ANGPT1: variants seen among roughly 807,000 people sequenced by gnomAD.
The protein encoded by ANGPT1 is angiopoietin 1.
A neutral mutation model predicts 62.2 loss-of-function variants in ANGPT1; 17 were observed. That is an observed-to-expected ratio of 0.27 (90% CI 0.19 to 0.41). The LOEUF is 0.41. Among genes scored for constraint, ANGPT1 ranks in the 10% least tolerant of loss-of-function variants. The pLI is 1.00. For synonymous variants in ANGPT1, 199 were observed against 198.9 expected, an observed-to-expected ratio of 1.00 and a Z score of 0.00; for missense variants, 478 against 594.9, an observed-to-expected ratio of 0.80 and a Z score of 2.04.
intron 4 of ANGPT1, among the ~76,000 whole-genome samples, chr8:107,310,023 T>C (rs971512811): frequency 2.0e-5 from 3 of 152,188 alleles, no homozygotes; most frequent in Admixed American, 6.6e-5. Context: ...TAGTGAATTA[T>C]TATTTTAATT....
intron 4 of ANGPT1, among the ~76,000 whole-genome samples, chr8:107,317,319 C>A (rs1815037088): frequency 1.3e-5 from 2 of 152,022 alleles, no homozygotes; most frequent in South Asian, 2.1e-4. Context: ...GAATAAATAT[C>A]ATTTCCCCAG....
chr8:107,423,759 A>T (rs1810957908), intron 1 of ANGPT1, among the ~76,000 whole-genome samples: 1 of 146,722 alleles, frequency 6.8e-6, no homozygotes, highest in East Asian at 2.0e-4. Context: ...ACTGTACCTT[A>T]GTTCTAATCT....
chr8:107,418,470 C>T (rs74871641), intron 1 of ANGPT1, among the ~76,000 whole-genome samples: 52 of 152,206 alleles, frequency 3.4e-4, no homozygotes, highest in African/African-American at 1.0e-3. Context: ...AATTTTGTAT[C>T]GGCTGGGAAT....
chr8:107,353,937 T>G (rs1301944241), intron 1 of ANGPT1, among the ~76,000 whole-genome samples: 1 of 152,110 alleles, frequency 6.6e-6, no homozygotes, highest in Non-Finnish European at 1.5e-5. Context: ...GGATGTTTGT[T>G]ACTCAGCCTC....
chr8:107,353,314 A>G (rs539436943), intron 1 of ANGPT1, among the ~76,000 whole-genome samples: 2 of 152,286 alleles, frequency 1.3e-5, no homozygotes, highest in South Asian at 4.1e-4. Flanking sequence ...CAGCTAATCA[A>G]TGTCAGATGT....
intron 2 of ANGPT1, among the ~76,000 whole-genome samples, chr8:107,342,983 G>C (rs76914295): frequency 6.9e-6 from 1 of 145,720 alleles, no homozygotes; most frequent in African/African-American, 2.6e-5. Context: ...CTACAGGCAC[G>C]CATTACCATG....
intron 1 of ANGPT1, among the ~76,000 whole-genome samples, chr8:107,370,112 G>A (rs1816352772): frequency 6.7e-6 from 1 of 149,216 alleles, no homozygotes; most frequent in Non-Finnish European, 1.5e-5. Flanking sequence ...GTTCCAGCCT[G>A]GGCAACAGAG....
At chr8:107,482,755 G>T (rs1167136477) in intron 1 of ANGPT1, among the ~76,000 whole-genome samples, 2 of 152,096 alleles carry the variant, frequency 1.3e-5, no homozygotes, top group African/African-American at 4.8e-5. Context: ...CTCAAATATG[G>T]TGAGGTGGGT....
In ANGPT1 at chr8:107,321,525, G is replaced by A. The variant is rs367652439; in HGVS notation, c.808+371C>T. Among the ~76,000 whole-genome samples the A allele has an allele frequency of 6.0e-4, 92 of 152,146 alleles. No homozygotes were observed. In the East Asian group the frequency reaches 6.8e-3, roughly 11 times the overall value. ...TGGAAATCCTCCTGAAACTCTCCCA[G>A]CACTATGAACTAATTTTTAACATTG... On this transcript the variant is annotated intron_variant, in intron 4 of 8. Transcript: ENST00000517746.
At chr8:107,484,415 G>C (rs1408028333) in intron 1 of ANGPT1, among the ~76,000 whole-genome samples, 2 of 151,454 alleles carry the variant, frequency 1.3e-5, no homozygotes, top group African/African-American at 4.9e-5. Flanking sequence ...TTTTCTTTTT[G>C]TTTTTGGAGA....
intron 1 of ANGPT1, among the ~76,000 whole-genome samples, chr8:107,432,239 C>G (rs763304015): frequency 2.9e-4 from 44 of 151,792 alleles, no homozygotes; most frequent in Non-Finnish European, 5.0e-4. Context: ...TTCCTTATCC[C>G]AAATAAATTA....
At chr8:107,453,662 T>C (rs1047611229) in intron 1 of ANGPT1, among the ~76,000 whole-genome samples, 5 of 152,070 alleles carry the variant, frequency 3.3e-5, no homozygotes, top group African/African-American at 1.2e-4. Flanking sequence ...AAGTTTTATT[T>C]TCTTTTTAAT....
At chr8:107,459,905 A>G (rs887186063) in intron 1 of ANGPT1, among the ~76,000 whole-genome samples, 1 of 152,208 alleles carries the variant, frequency 6.6e-6, no homozygotes, top group Non-Finnish European at 1.5e-5. Context: ...CTTTAGAAAG[A>G]AATGAAAAGA....
At chr8:107,274,631 T>C (rs940267561) in intron 7 of ANGPT1, among the ~76,000 whole-genome samples, 1 of 152,146 alleles carries the variant, frequency 6.6e-6, no homozygotes, top group African/African-American at 2.4e-5. Context: ...TGATACTTTA[T>C]TAGAAATCTT....
intron 1 of ANGPT1, among the ~76,000 whole-genome samples, chr8:107,380,098 G>A (rs1466882218): frequency 6.6e-6 from 1 of 150,604 alleles, no homozygotes; most frequent in Non-Finnish European, 1.5e-5. Context: ...AGCCTGGTCT[G>A]GAAATGTGGT....
rs1813225223 is a variant in ANGPT1 at position 107,250,464 on chromosome 8, C to CATA, written c.*1390_*1391insTAT. 1 of 151,930 alleles carries CATA rather than the reference C, an allele frequency of 6.6e-6. No homozygotes were observed. The highest frequency in any genetic ancestry group is 2.4e-5 in the African/African-American group (1 of 41,366). 9.4% of individuals were successfully genotyped at this position (151,930 alleles called of 1,614,324 possible). On this transcript the variant is annotated 3_prime_UTR_variant, in exon 9 of 9. Coordinates refer to ENST00000517746, the MANE Select transcript of ANGPT1 (RefSeq NM_001146.5). ...ATTTCCCTTACATATAATAGTTTTG[C>CATA]CAATTTTTCTCCCCTGATAATAATT... is the stretch of plus-strand genomic sequence containing the variant.
chr8:107,461,178 T>C (rs561689134), intron 1 of ANGPT1, among the ~76,000 whole-genome samples: 2 of 152,316 alleles, frequency 1.3e-5, no homozygotes, highest in South Asian at 4.1e-4. Context: ...GGCTAGATCA[T>C]TTCAGGCTTG....
At chr8:107,294,183 T>C (rs1814354333) in intron 5 of ANGPT1, 146 bp from the exon 6 acceptor site, 1 of 490,342 alleles carries the variant, frequency 2.0e-6, no homozygotes, top group South Asian at 4.0e-5. Flanking sequence ...AATTTAGATA[T>C]ATTATTGGTT....
chr8:107,324,215 A>ATATGTG (rs1446823991), intron 3 of ANGPT1, among the ~76,000 whole-genome samples: 10 of 144,772 alleles, frequency 6.9e-5, no homozygotes, highest in Admixed American at 1.4e-4. Flanking sequence ...GTATATATAT[A>ATATGTG]TGTGTGTGTG....
Sources: gnomAD v4.1 joint callset for allele counts (sites outside exome capture counted in the v4.1 genomes callset) on GRCh38, gnomAD v4.1.1 for gene constraint, MANE v1.5 for transcripts, NCBI Gene and HGNC (gene_info 2026-07-23, HGNC 2026-07-21) for gene names.